ASNS: variants seen among roughly 807,000 people sequenced by gnomAD.
ASNS encodes asparagine synthetase (glutamine-hydrolyzing).
A neutral mutation model predicts 62.6 loss-of-function variants in ASNS; 37 were observed. The ratio of observed to expected loss-of-function variants is 0.59; its 90% CI spans 0.45 to 0.78. The LOEUF is 0.78. Among genes scored for constraint, ASNS ranks in the 30% least tolerant of loss-of-function variants. ASNS has a pLI of 0.00. For synonymous variants in ASNS, 207 were observed against 237.9 expected, an observed-to-expected ratio of 0.87 and a Z score of 1.19; for missense variants, 520 against 682.4, an observed-to-expected ratio of 0.76 and a Z score of 2.65.
At chr7:97,877,935 G>A in the ASNS span, among the ~76,000 whole-genome samples, 1 of 152,100 alleles carries the variant, frequency 6.6e-6, no homozygotes, top group Non-Finnish European at 1.5e-5. Context: ...ATAAGGGAGG[G>A]GTTCTCTTGG....
rs879004194 is a variant in ASNS at position 97,856,915 on chromosome 7, T to G, written c.904-99A>C. On this transcript the variant is annotated intron_variant, in intron 7 of 12. Transcript: ENST00000394308. Reference sequence around the variant, plus strand: ...TTCACAAAGCTTTATGAATTAACAATGGTGAAAACTAAACAAGGGAAAAAA... The same window carrying G: ...TTCACAAAGCTTTATGAATTAACAAGGGTGAAAACTAAACAAGGGAAAAAA... 2.1e-5 allele frequency: 26 copies of G among 1,252,506 alleles called. No homozygotes were observed. The South Asian group carries it at 3.9e-4, about 19-fold the overall frequency. 77.6% of individuals were successfully genotyped at this position (1,252,506 alleles called of 1,614,324 possible). A position where few individuals can be genotyped will look rare whatever the true frequency, so the allele number is the denominator to read the frequency against.
chr7:97,852,526 T>C, intron 12 of ASNS, 58 bp from the exon 13 acceptor site: 2 of 1,503,710 alleles, frequency 1.3e-6, no homozygotes, highest in Non-Finnish European at 1.8e-6. Flanking sequence ...ATACTTGTGT[T>C]TAGTCTCATT....
upstream of ASNS, among the ~76,000 whole-genome samples, chr7:97,873,920 G>T (rs1792381027): frequency 6.6e-6 from 1 of 152,116 alleles, no homozygotes; most frequent in South Asian, 2.1e-4. Flanking sequence ...TCAAGGAGAT[G>T]CAAAAGGTGA....
At chr7:97,898,851 C>G in the ASNS span, 1 of 848,072 alleles carries the variant, frequency 1.2e-6, no homozygotes, top group South Asian at 1.3e-5. Context: ...TTGTCCTGAA[C>G]ATCTTCAGTA....
intron 4 of ASNS, among the ~76,000 whole-genome samples, chr7:97,860,155 T>C (rs1017338131): frequency 1.3e-5 from 2 of 152,162 alleles, no homozygotes; most frequent in African/African-American, 4.8e-5. Context: ...CCAGATTCCC[T>C]CACCAGCCAG....
chr7:97,921,034 A>G, the ASNS span, among the ~76,000 whole-genome samples: 118 of 152,252 alleles, frequency 7.8e-4, no homozygotes, highest in Non-Finnish European at 1.5e-3. Context: ...ACAAGTTGCC[A>G]TTTCCTCCCT....
chr7:97,882,554 A>ATAAG, the ASNS span, among the ~76,000 whole-genome samples: 4 of 138,310 alleles, frequency 2.9e-5, no homozygotes, highest in African/African-American at 1.0e-4. Flanking sequence ...AAATAAATAA[A>ATAAG]TAAATAAATA....
At chr7:97,880,237 G>A in the ASNS span, among the ~76,000 whole-genome samples, 1 of 151,614 alleles carries the variant, frequency 6.6e-6, no homozygotes, top group South Asian at 2.1e-4. Flanking sequence ...GGATTCTCCA[G>A]CCTCAGCCTC....
the ASNS span, among the ~76,000 whole-genome samples, chr7:97,907,324 T>A: frequency 0.017 from 2,634 of 152,342 alleles, 75 homozygotes; most frequent in African/African-American, 0.061. Flanking sequence ...ATCAAGACAG[T>A]GATTCCCCGA....
upstream of ASNS, among the ~76,000 whole-genome samples, chr7:97,874,747 C>T (rs570124814): frequency 5.9e-5 from 9 of 152,312 alleles, no homozygotes; most frequent in African/African-American, 1.7e-4. Context: ...GATAAATACA[C>T]GGATAGGCAC....
chr7:97,906,010 A>G, the ASNS span, among the ~76,000 whole-genome samples: 5 of 152,176 alleles, frequency 3.3e-5, no homozygotes, highest in African/African-American at 1.2e-4. Context: ...GGTTGGTGCA[A>G]AAGTAACTGC....
the ASNS span, among the ~76,000 whole-genome samples, chr7:97,894,518 A>G: frequency 2.0e-5 from 3 of 149,682 alleles, no homozygotes; most frequent in Admixed American, 6.6e-5. Flanking sequence ...CCAAATAAAT[A>G]CAATCAGAAA....
the ASNS span, among the ~76,000 whole-genome samples, chr7:97,878,820 A>G: frequency 1.1e-4 from 16 of 152,238 alleles, no homozygotes; most frequent in African/African-American, 3.6e-4. Flanking sequence ...GAACCAAAAA[A>G]GAGCCCACAT....
chr7:97,885,976 G>T, the ASNS span: 58 of 602,844 alleles, frequency 9.6e-5, no homozygotes, highest in East Asian at 2.1e-3. Context: ...GCCGCCCATG[G>T]GAGGCCACAT....
At chr7:97,882,528 C>T in the ASNS span, among the ~76,000 whole-genome samples, 1 of 148,440 alleles carries the variant, frequency 6.7e-6, no homozygotes, top group Non-Finnish European at 1.5e-5. Context: ...AGCCTGGAGA[C>T]AGAGAGAGAT....
chr7:97,873,784 C>A (rs1792377522), upstream of ASNS, among the ~76,000 whole-genome samples: 1 of 152,022 alleles, frequency 6.6e-6, no homozygotes, highest in Non-Finnish European at 1.5e-5. Context: ...GGTGTGTTAC[C>A]TAGTGTGCTT....
the ASNS span, among the ~76,000 whole-genome samples, chr7:97,897,519 A>G: frequency 6.6e-6 from 1 of 152,236 alleles, no homozygotes; most frequent in Non-Finnish European, 1.5e-5. Context: ...ATTCAACATC[A>G]CTAATCATCA....
At chr7:97,879,835 A>T in the ASNS span, among the ~76,000 whole-genome samples, 4 of 152,220 alleles carry the variant, frequency 2.6e-5, no homozygotes, top group Non-Finnish European at 5.9e-5. Context: ...ACAGCAATAG[A>T]TAACTAATAT....
At chr7:97,895,988 GA>G in the ASNS span, among the ~76,000 whole-genome samples, 20,011 of 135,840 alleles carry the variant, frequency 0.15, 1,568 homozygotes, top group Non-Finnish European at 0.19. Flanking sequence ...CAAGGATGAG[GA>G]AAAAAAAAAA....
Sources: gnomAD v4.1 joint callset for allele counts (sites outside exome capture counted in the v4.1 genomes callset) on GRCh38, gnomAD v4.1.1 for gene constraint, MANE v1.5 for transcripts, NCBI Gene and HGNC (gene_info 2026-07-23, HGNC 2026-07-21) for gene names.